BCAS3: variants seen among roughly 807,000 people sequenced by gnomAD.
The protein encoded by BCAS3 is BCAS3 microtubule associated cell migration factor, also known as BCAS4/BCAS3 fusion.
BCAS3 carries 53 observed loss-of-function variants against 116.1 expected under a neutral mutation model. The ratio of observed to expected loss-of-function variants is 0.46; its 90% confidence interval spans 0.37 to 0.57. The LOEUF is 0.57. BCAS3 is among the 20% of genes least tolerant of loss of function. The probability of loss-of-function intolerance (pLI) is 0.00; values close to 1 mark genes in which losing one functional copy is unlikely to be tolerated. For synonymous variants in BCAS3, 391 were observed against 408.2 expected, an observed-to-expected ratio of 0.96 and a Z score of 0.51; for missense variants, 917 against 1,165.4, an observed-to-expected ratio of 0.79 and a Z score of 3.10.
chr17:60,988,178 G>C (rs1384452328), intron 14 of BCAS3, among the ~76,000 whole-genome samples: 2 of 138,902 alleles, frequency 1.4e-5, no homozygotes, highest in African/African-American at 6.8e-5. Context: ...AATTCCACTT[G>C]GTTGTGATTT....
chr17:61,211,191 C>T lies in BCAS3; in HGVS notation c.2425+126627C>T, dbSNP rs540427056. 2.6e-5 allele frequency among the ~76,000 whole-genome samples: 4 copies of T among 152,302 alleles called. No individual in the cohort carries two copies. In the South Asian group the frequency reaches 8.3e-4, roughly 32 times the overall value. ...AAAATTCTCCCAAAAAAGGTTGGAA[C>T]CACCTCTGCTTCCCTTTCCCCACTC... On this transcript the variant is annotated intron_variant, in intron 22 of 23. Coordinates refer to ENST00000407086, the MANE Select transcript of BCAS3 (RefSeq NM_017679.5). The surrounding 1 kb of genome is among the most constrained non-coding windows in gnomAD (Gnocchi z 4.4).
intron 13 of BCAS3, among the ~76,000 whole-genome samples, chr17:60,945,126 A>C (rs2060418386): frequency 6.6e-6 from 1 of 152,224 alleles, no homozygotes; most frequent in Non-Finnish European, 1.5e-5. Context: ...ATAAAAAATC[A>C]TCAATTTTAT....
At chr17:61,001,789 G>A (rs1568086581) in intron 15 of BCAS3, among the ~76,000 whole-genome samples, 1 of 151,890 alleles carries the variant, frequency 6.6e-6, no homozygotes, top group Non-Finnish European at 1.5e-5. Flanking sequence ...TGGTGAATTT[G>A]TTTTCTCAAA....
At chr17:61,274,067 T>A (rs1436779540) in intron 22 of BCAS3, among the ~76,000 whole-genome samples, 2 of 151,210 alleles carry the variant, frequency 1.3e-5, no homozygotes, top group African/African-American at 4.8e-5. Context: ...CATTAACTCG[T>A]CATTTAACAT....
Position 61,173,543 on chromosome 17 carries a change from C to A in BCAS3, c.2425+88979C>A, listed in dbSNP as rs543664642. The stretch of plus-strand genomic sequence containing the variant: ...ACAGTACTTAGAGGGAAATTTATAA[C>A]ACAAAATGCCTATATTAGAAAAGAA... On this transcript the variant is annotated intron_variant, in intron 22 of 23. Transcript: ENST00000407086. Among the ~76,000 whole-genome samples the A allele has an allele frequency of 9.2e-5, 14 of 151,738 alleles. No individual in the cohort carries two copies. In the East Asian group the frequency reaches 2.5e-3, roughly 27 times the overall value.
chr17:60,788,094 AT>A (rs754174236), intron 6 of BCAS3, among the ~76,000 whole-genome samples: 35 of 152,268 alleles, frequency 2.3e-4, no homozygotes, highest in Non-Finnish European at 4.3e-4. Flanking sequence ...ATTGGTACTT[AT>A]CCCCATTTTA....
chr17:61,030,381 CT>C (rs906687413), intron 16 of BCAS3, among the ~76,000 whole-genome samples: 1 of 151,764 alleles, frequency 6.6e-6, no homozygotes, highest in Non-Finnish European at 1.5e-5. Context: ...ATTTTGTACT[CT>C]TTTTTTTCTC....
intron 7 of BCAS3, among the ~76,000 whole-genome samples, chr17:60,858,820 T>C (rs905439719): frequency 2.0e-5 from 3 of 152,140 alleles, no homozygotes; most frequent in African/African-American, 7.2e-5. Context: ...GGTTTCAACT[T>C]GCATTTCCCT....
In BCAS3 at chr17:61,248,347, T is replaced by C. The variant is rs2048133201; in HGVS notation, c.2426-119980T>C. On this transcript the variant is annotated intron_variant, in intron 22 of 23. Transcript: ENST00000407086. This position sits in a 1 kb window ranked among gnomAD's most constrained non-coding sequence, Gnocchi z 4.3. The stretch of plus-strand genomic sequence containing the variant: ...TTGGGTAAAGGAATATATTTGTGAA[T>C]TGTGGCTGATACTACTTTAAAAAAT... Among the ~76,000 whole-genome samples, 1 of 152,200 alleles carries C rather than the reference T, an allele frequency of 6.6e-6. No individual in the cohort carries two copies. The highest frequency in any genetic ancestry group is 2.1e-4 in the South Asian group (1 of 4,830).
rs577123870 is a variant in BCAS3 at position 61,386,583 on chromosome 17, G to T, written c.2594-5394G>T. Among the ~76,000 whole-genome samples the T allele has an allele frequency of 4.6e-5, 7 of 152,236 alleles. No homozygotes were observed. In the East Asian group the frequency reaches 1.4e-3, roughly 29 times the overall value. On this transcript the variant is annotated intron_variant, in intron 23 of 23. Transcript: ENST00000407086. ...GAGCTGCCCAAAGGGTGAACCAGGG[G>T]CCCCAGGCAGCCTCTTCCTAAACAC...
At chr17:60,889,234 A>G (rs1946260866) in intron 9 of BCAS3, among the ~76,000 whole-genome samples, 1 of 152,202 alleles carries the variant, frequency 6.6e-6, no homozygotes, top group Non-Finnish European at 1.5e-5. Context: ...GGCCTCAGTG[A>G]GGTCAAATAC....
chr17:61,075,287 C>T (rs1324632886), intron 20 of BCAS3, among the ~76,000 whole-genome samples: 1 of 151,974 alleles, frequency 6.6e-6, no homozygotes, highest in Non-Finnish European at 1.5e-5. Context: ...TCACACAATC[C>T]ATTTAAAGCC....
chr17:60,727,381 G>C, intron 5 of BCAS3: 1 of 1,578,002 alleles, frequency 6.3e-7, no homozygotes, highest in East Asian at 2.2e-5. Flanking sequence ...TCTTTCCCTG[G>C]GCATACAAGG....
At chr17:61,006,811 T>A (rs550608564) in intron 15 of BCAS3, among the ~76,000 whole-genome samples, 40 of 152,172 alleles carry the variant, frequency 2.6e-4, no homozygotes, top group African/African-American at 8.7e-4. Flanking sequence ...AAGATCTTTT[T>A]AAAAAATTTT....
chr17:61,034,620 C>T lies in BCAS3; in HGVS notation c.1638-46C>T. The T allele has an allele frequency of 1.3e-6, 2 of 1,526,878 alleles. No homozygotes were observed. The highest frequency in any genetic ancestry group is 1.8e-6 in the Non-Finnish European group (2 of 1,113,806). 94.6% of individuals were successfully genotyped at this position (1,526,878 alleles called of 1,614,324 possible). A position where few individuals can be genotyped will look rare whatever the true frequency, so the allele number is the denominator to read the frequency against. ...AAACTGTCATTACCTAAAGGAGTAT[C>T]ATTTCATCATGATAATTGTTTTTTA... On this transcript the variant is annotated intron_variant, in intron 16 of 23. Coordinates refer to ENST00000407086, the MANE Select transcript of BCAS3 (RefSeq NM_017679.5). This position sits in a 1 kb window ranked among gnomAD's most constrained non-coding sequence, Gnocchi z 5.0.
chr17:61,004,368 G>GT lies in BCAS3; in HGVS notation c.1487-11371dup, dbSNP rs200900454. ...ACTTATCAAAAGGAAGATCTGAAATGTTTTTTTTTTTTAATTTGGAGAAAA... is the reference window on the plus strand; with the variant it reads ...ACTTATCAAAAGGAAGATCTGAAATGTTTTTTTTTTTTTAATTTGGAGAAAA... On this transcript the variant is annotated intron_variant, in intron 15 of 23. Transcript: ENST00000407086. The surrounding 1 kb of genome is among the most constrained non-coding windows in gnomAD (Gnocchi z 4.8). Among the ~76,000 whole-genome samples, 1,156 of 145,352 alleles carry GT rather than the reference G, an allele frequency of 8.0e-3. 4 individuals carry two copies. Among genetic ancestry groups the GT allele is most frequent in the East Asian group, 0.042 (209 of 5,028 alleles).
At chr17:60,784,363 A>G (rs1250443829) in intron 6 of BCAS3, among the ~76,000 whole-genome samples, 1 of 148,574 alleles carries the variant, frequency 6.7e-6, no homozygotes, top group Non-Finnish European at 1.5e-5. Context: ...CAGTGACACA[A>G]TCTCGGCTCA....
In BCAS3 at chr17:61,104,907, G is replaced by A. The variant is rs1040294099; in HGVS notation, c.2425+20343G>A. Among the ~76,000 whole-genome samples, 1 of 152,308 alleles carries A rather than the reference G, an allele frequency of 6.6e-6. No homozygotes were observed. The highest frequency in any genetic ancestry group is 1.5e-5 in the Non-Finnish European group (1 of 68,026). On this transcript the variant is annotated intron_variant, in intron 22 of 23. Coordinates refer to ENST00000407086, the MANE Select transcript of BCAS3 (RefSeq NM_017679.5). This position sits in a 1 kb window ranked among gnomAD's most constrained non-coding sequence, Gnocchi z 4.1. ...AGATTTCCTGGTAGAAGTAAGTAGT[G>A]TCTTTTGCTAGTGTACCAGGTTGTT...
At chr17:60,684,761 G>A (rs1233413493) in intron 3 of BCAS3, among the ~76,000 whole-genome samples, 1 of 152,032 alleles carries the variant, frequency 6.6e-6, no homozygotes, top group Non-Finnish European at 1.5e-5. Context: ...GAAGGGAAAG[G>A]TTTCCATACT....
Sources: allele counts gnomAD v4.1 joint callset (sites outside exome capture counted in the v4.1 genomes callset), GRCh38; gene constraint gnomAD v4.1.1; non-coding constraint Gnocchi (gnomAD v3.1); transcripts MANE v1.5; gene names NCBI Gene and HGNC (gene_info 2026-07-23, HGNC 2026-07-21).